The following PDE7B variants were observed in gnomAD, a reference collection of about 807,000 sequenced individuals.
The protein encoded by PDE7B is 3',5'-cyclic-AMP phosphodiesterase 7B.
In PDE7B, 29 loss-of-function variants were observed where a neutral mutation model predicts 56.2. That is an observed-to-expected ratio of 0.52 (90% CI 0.38 to 0.70). PDE7B has a LOEUF of 0.70. Among genes scored for constraint, PDE7B ranks in the 30% least tolerant of loss-of-function variants. The pLI is 0.00. For synonymous variants in PDE7B, 197 were observed against 196.9 expected (o/e 1.00, Z 0.00); for missense variants, 490 against 565.0 (o/e 0.87, Z 1.35).
At chr6:135,896,296 G>A (rs750892035) in intron 1 of PDE7B, among the ~76,000 whole-genome samples, 17 of 152,054 alleles carry the variant, frequency 1.1e-4, no homozygotes, top group East Asian at 3.9e-4. Flanking sequence ...GTTCATACAC[G>A]AACAGGTTGA....
chr6:135,928,634 GC>G (rs1358002378), intron 1 of PDE7B, among the ~76,000 whole-genome samples: 3 of 149,274 alleles, frequency 2.0e-5, no homozygotes, highest in Admixed American at 6.8e-5. Flanking sequence ...ATAAAAAGGG[GC>G]AAAATCATGT....
intron 2 of PDE7B, among the ~76,000 whole-genome samples, chr6:136,046,833 A>G (rs553437626): frequency 1.3e-5 from 2 of 152,314 alleles, no homozygotes; most frequent in African/African-American, 4.8e-5. Flanking sequence ...TGTTAAGATT[A>G]TTGTCCTTCT....
At chr6:135,859,454 T>C (rs1473750695) in intron 1 of PDE7B, among the ~76,000 whole-genome samples, 1 of 152,146 alleles carries the variant, frequency 6.6e-6, no homozygotes, top group Non-Finnish European at 1.5e-5. Flanking sequence ...AAATAATCTT[T>C]AAGTTAAAAT....
intron 1 of PDE7B, 108 bp downstream of exon 1, chr6:135,852,127 T>C: frequency 1.3e-6 from 1 of 788,990 alleles, no homozygotes; most frequent in Non-Finnish European, 2.2e-6. Context: ...TATATGTTTT[T>C]TGTCTGTGAT....
At chr6:136,174,582 T>C (rs1778947016) in intron 9 of PDE7B, among the ~76,000 whole-genome samples, 1 of 152,176 alleles carries the variant, frequency 6.6e-6, no homozygotes, top group Non-Finnish European at 1.5e-5. Flanking sequence ...ATCTGTTTAA[T>C]GAACACGTGC....
chr6:135,956,514 C>G (rs1562451889), intron 2 of PDE7B, among the ~76,000 whole-genome samples: 1 of 152,122 alleles, frequency 6.6e-6, no homozygotes, highest in African/African-American at 2.4e-5. Flanking sequence ...TGCAGTGGCT[C>G]ATGCCTGTAA....
intron 2 of PDE7B, among the ~76,000 whole-genome samples, chr6:135,991,508 C>T (rs539130570): frequency 3.7e-4 from 56 of 152,282 alleles, no homozygotes; most frequent in Middle Eastern, 6.8e-3. Flanking sequence ...TCACATTCGC[C>T]AATACCAGCA....
At chr6:135,852,886 C>A (rs1774963769) in intron 1 of PDE7B, among the ~76,000 whole-genome samples, 1 of 152,070 alleles carries the variant, frequency 6.6e-6, no homozygotes, top group Admixed American at 6.6e-5. Context: ...TAAGAGTAAA[C>A]CTCTTTGCAC....
intron 10 of PDE7B, among the ~76,000 whole-genome samples, chr6:136,180,497 A>C (rs889519402): frequency 1.3e-5 from 2 of 152,204 alleles, no homozygotes; most frequent in African/African-American, 4.8e-5. Context: ...ATATGATCCA[A>C]GGGTCTTCCA....
At chr6:136,181,346 A>T in intron 11 of PDE7B, 23 bp downstream of exon 11, 1 of 1,363,598 alleles carries the variant, frequency 7.3e-7, no homozygotes, top group Non-Finnish European at 1.1e-6. Context: ...CCAACAGCTG[A>T]GATTTCATTG....
intron 2 of PDE7B, among the ~76,000 whole-genome samples, chr6:135,959,977 T>G (rs1431997470): frequency 6.6e-6 from 1 of 152,178 alleles, no homozygotes; most frequent in Non-Finnish European, 1.5e-5. Flanking sequence ...TTTCACCATC[T>G]TGCCCAGGTT....
chr6:136,012,838 A>G (rs1775915604), intron 2 of PDE7B: 1 of 152,224 alleles, frequency 6.6e-6, no homozygotes, highest in South Asian at 2.1e-4. Context: ...TCTAATATGA[A>G]AGTAATTTCC....
chr6:136,018,692 T>A (rs569841449), intron 2 of PDE7B, among the ~76,000 whole-genome samples: 2 of 152,304 alleles, frequency 1.3e-5, no homozygotes, highest in African/African-American at 4.8e-5. Flanking sequence ...TTTTTAAATA[T>A]ATTTATTTCC....
At chr6:136,186,769 G>A (rs1220191935) in intron 11 of PDE7B, among the ~76,000 whole-genome samples, 1 of 152,166 alleles carries the variant, frequency 6.6e-6, no homozygotes, top group Admixed American at 6.5e-5. Flanking sequence ...TGTAGGTCTT[G>A]TTCAAAAGTT....
intron 1 of PDE7B, among the ~76,000 whole-genome samples, chr6:135,935,217 T>TATATATATATATATATA (rs1554268029): frequency 3.4e-4 from 31 of 91,152 alleles, no homozygotes; most frequent in African/African-American, 9.3e-4. Flanking sequence ...TATATATATA[T>TATATATATATATATATA]TTTCATGATT....
At chr6:136,082,279 C>T (rs1230573618) in intron 2 of PDE7B, among the ~76,000 whole-genome samples, 1 of 152,184 alleles carries the variant, frequency 6.6e-6, no homozygotes, top group African/African-American at 2.4e-5. Flanking sequence ...TCCCATTGGG[C>T]ATTGCTGTCG....
intron 1 of PDE7B, among the ~76,000 whole-genome samples, chr6:135,862,795 A>G (rs777782693): frequency 5.9e-4 from 90 of 151,800 alleles, no homozygotes; most frequent in Non-Finnish European, 1.2e-3. Context: ...TTCTTTTTGA[A>G]TATATACATT....
intron 3 of PDE7B, among the ~76,000 whole-genome samples, chr6:136,126,322 G>C (rs1278028600): frequency 6.6e-6 from 1 of 152,152 alleles, no homozygotes; most frequent in African/African-American, 2.4e-5. Context: ...TTGCATAGTA[G>C]TTACATTTCT....
At chr6:136,145,142 T>A (rs781265104) in intron 3 of PDE7B, among the ~76,000 whole-genome samples, 1 of 152,166 alleles carries the variant, frequency 6.6e-6, no homozygotes, top group Non-Finnish European at 1.5e-5. Context: ...TCTTCTACAT[T>A]TATCAGTTGG....
Sources: gnomAD v4.1 joint callset for allele counts (sites outside exome capture counted in the v4.1 genomes callset) on GRCh38, gnomAD v4.1.1 for gene constraint, MANE v1.5 for transcripts, NCBI Gene and HGNC (gene_info 2026-07-23, HGNC 2026-07-21) for gene names.